The following ERN1 variants were observed in gnomAD, a reference collection of about 807,000 sequenced individuals.
ERN1 encodes the protein serine/threonine-protein kinase/endoribonuclease IRE1.
A neutral mutation model predicts 113.1 loss-of-function variants in ERN1; 39 were observed. The observed-to-expected ratio is 0.34, with a 90% CI of 0.27 to 0.45. The LOEUF (loss-of-function observed/expected upper bound fraction) is 0.45. ERN1 is among the 20% of genes least tolerant of loss of function. The probability of loss-of-function intolerance (pLI) is 1.00; values close to 1 mark genes in which losing one functional copy is unlikely to be tolerated. For missense variants in ERN1, 976 were observed against 1,274.8 expected (o/e 0.77, Z 3.57); for synonymous variants, 507 against 515.9 (o/e 0.98, Z 0.23).
Position 64,052,911 on chromosome 17 carries a change from T to C in ERN1, c.2122A>G (p.Met708Val). Residue 708 changes from methionine (M) to valine (V), a missense_variant, in exon 17 of 22, where the codon ATG (methionine) becomes GTG (valine). Around this residue, in one of 5 missense-constraint regions of ERN1, gnomAD observed 297 missense variants for 457.8 expected, o/e 0.65. Transcript: ENST00000433197. ...MPNAHGKIKA[M>V]ISDFGLCKKL... is the part of the protein sequence containing the mutation. The stretch of plus-strand genomic sequence containing the variant: ...TTGCAGAGGCCAAAGTCGGAGATCA[T>C]GGCCTTGATCTTGCCGTGTGCATTG... The C allele has an allele frequency of 6.2e-7, 1 of 1,613,922 alleles. No individual in the cohort carries two copies. Among genetic ancestry groups the C allele is most frequent in the Non-Finnish European group, 8.5e-7 (1 of 1,179,844 alleles).
chr17:64,108,942 G>A (rs1331465277), intron 1 of ERN1, among the ~76,000 whole-genome samples: 1 of 152,066 alleles, frequency 6.6e-6, no homozygotes, highest in Non-Finnish European at 1.5e-5. Flanking sequence ...GGTCAACATG[G>A]GGAAACCCCG....
intron 7 of ERN1, among the ~76,000 whole-genome samples, chr17:64,067,523 G>A (rs1043936931): frequency 1.3e-5 from 2 of 151,152 alleles, no homozygotes; most frequent in African/African-American, 4.9e-5. Flanking sequence ...TGGGAAGATC[G>A]CTTGAGCCTA....
rs756546213 is a variant in ERN1 at position 64,044,170 on chromosome 17, C to T, written c.2752G>A (p.Val918Met). Residue 918 changes from valine to methionine, a missense_variant, in exon 22 of 22, where the codon GTG becomes ATG. By Grantham distance (21) the Val-to-Met change is conservative. Transcript: ENST00000433197. The surrounding 1 kb of genome is among the most constrained non-coding windows in gnomAD (Gnocchi z 4.1). ...GGGAGGGACCCCAGCGTCTCCCGCA[C>T]CTCTGCAGGCAGCTCCCGGTAGTGG... ...KHHYRELPAEVRETLGSLPDD... is the reference protein window; with the variant it reads ...KHHYRELPAEMRETLGSLPDD... The T allele has an allele frequency of 1.3e-6, 2 of 1,578,920 alleles. No homozygotes were observed. The highest frequency in any genetic ancestry group is 2.3e-5 in the East Asian group (1 of 43,968).
chr17:64,117,138 A>T (rs80105842), intron 1 of ERN1, among the ~76,000 whole-genome samples: 12,318 of 145,418 alleles, frequency 0.085, 1,665 homozygotes, highest in African/African-American at 0.29. Flanking sequence ...AATAATAAAA[A>T]TTTTTAAAAA....
At chr17:64,084,776 C>T in intron 2 of ERN1, among the ~76,000 whole-genome samples, 1 of 152,198 alleles carries the variant, frequency 6.6e-6, no homozygotes. Context: ...CACCCTTTAA[C>T]AATCTCCCAC....
chr17:64,045,918 C>T (rs1036827417), intron 19 of ERN1, among the ~76,000 whole-genome samples: 1 of 152,218 alleles, frequency 6.6e-6, no homozygotes, highest in African/African-American at 2.4e-5. Flanking sequence ...AGGGTCGCCA[C>T]TCTTCCCTCC....
At chr17:64,080,948 G>A in intron 2 of ERN1, 140 bp from the exon 3 acceptor site, 1 of 703,028 alleles carries the variant, frequency 1.4e-6, no homozygotes, top group Non-Finnish European at 2.4e-6. Context: ...TGCACGTGAA[G>A]GTTATATGCA....
intron 4 of ERN1, among the ~76,000 whole-genome samples, chr17:64,075,833 G>A (rs753879103): frequency 5.3e-5 from 8 of 152,220 alleles, no homozygotes; most frequent in Non-Finnish European, 1.2e-4. Flanking sequence ...TGGCTAGACT[G>A]AGTAAAATGA....
chr17:64,067,066 G>T, intron 7 of ERN1, 134 bp from the exon 8 acceptor site: 1 of 933,910 alleles, frequency 1.1e-6, no homozygotes, highest in Non-Finnish European at 1.6e-6. Flanking sequence ...TCTCCTCTGA[G>T]CAATTTCACT....
At chr17:64,122,754 T>A (rs967056275) in intron 1 of ERN1, among the ~76,000 whole-genome samples, 1 of 152,238 alleles carries the variant, frequency 6.6e-6, no homozygotes, top group Non-Finnish European at 1.5e-5. Context: ...TGGAGAATGT[T>A]TTAACTTGTA....
rs1163275981 is a variant in ERN1 at position 64,049,551 on chromosome 17, T to C, written c.2254-349A>G. On this transcript the variant is annotated intron_variant, in intron 17 of 21. Transcript: ENST00000433197. This position sits in a 1 kb window ranked among gnomAD's most constrained non-coding sequence, Gnocchi z 4.7. ...GCCCATCAAAAGCCCTCCTGGCTGT[T>C]ATATATTCCTTACCCCCAACACGAA... Among the ~76,000 whole-genome samples, 1 of 152,160 alleles carries C rather than the reference T, an allele frequency of 6.6e-6. No individual in the cohort carries two copies. Among genetic ancestry groups the C allele is most frequent in the East Asian group, 1.9e-4 (1 of 5,200 alleles).
At chr17:64,058,973 A>C (rs1333968219) in intron 11 of ERN1, among the ~76,000 whole-genome samples, 1 of 152,194 alleles carries the variant, frequency 6.6e-6, no homozygotes, top group Non-Finnish European at 1.5e-5. Context: ...CACCATACAG[A>C]TGCACCTGAG....
intron 9 of ERN1, among the ~76,000 whole-genome samples, chr17:64,064,818 G>A (rs547278759): frequency 6.6e-6 from 1 of 152,300 alleles, no homozygotes; most frequent in Admixed American, 6.5e-5. Context: ...CTGAACAAAG[G>A]CCCCGGGGAA....
intron 2 of ERN1, among the ~76,000 whole-genome samples, chr17:64,095,660 C>CGACT (rs1277676910): frequency 6.6e-6 from 1 of 152,132 alleles, no homozygotes; most frequent in East Asian, 1.9e-4. Flanking sequence ...CCTGTTGAGT[C>CGACT]ACTCACCTGT....
At chr17:64,055,510 G>A (rs1175698389) in intron 13 of ERN1, among the ~76,000 whole-genome samples, 165 bp downstream of exon 13, 2 of 152,216 alleles carry the variant, frequency 1.3e-5, no homozygotes, top group Non-Finnish European at 2.9e-5. Flanking sequence ...AGATGCCAAG[G>A]GATGGGGCAG....
At chr17:64,091,343 C>G (rs1338042877) in intron 2 of ERN1, among the ~76,000 whole-genome samples, 3 of 152,200 alleles carry the variant, frequency 2.0e-5, no homozygotes, top group African/African-American at 7.2e-5. Flanking sequence ...AGAAGGCAGT[C>G]AAGTCCCATT....
rs149523280 is a variant in ERN1, at chr17:64,060,614, G to A, written c.1088-27C>T. 1.2e-4 allele frequency: 188 copies of A among 1,540,240 alleles called. No homozygotes were observed. The African/African-American group carries it at 1.9e-3, about 16-fold the overall frequency. On this transcript the variant is annotated intron_variant, in intron 10 of 21. Coordinates refer to ENST00000433197, the MANE Select transcript of ERN1 (RefSeq NM_001433.5). ...TATGACAGGAAACAAAACCTTTAGT[G>A]AGAACAATTTCCCGAGCTGTGGTGG...
Position 64,072,107 on chromosome 17 carries a change from A to G in ERN1, c.356-4T>C, listed in dbSNP as rs1913439325. 6.2e-7 allele frequency: 1 copy of G among 1,612,906 alleles called. No homozygotes were observed. The highest frequency in any genetic ancestry group is 1.3e-5 in the African/African-American group (1 of 74,932). ...TACCAGATGTCCTGCTTTTTACCTG[A>G]AAGGACACAAAAACACATCGTCGTT... On this transcript the variant is annotated splice_region_variant and splice_polypyrimidine_tract_variant and intron_variant, in intron 5 of 21. Coordinates refer to ENST00000433197, the MANE Select transcript of ERN1 (RefSeq NM_001433.5).
At chr17:64,125,459 C>T (rs560717380) in intron 1 of ERN1, among the ~76,000 whole-genome samples, 8 of 152,274 alleles carry the variant, frequency 5.3e-5, no homozygotes, top group African/African-American at 7.2e-5. Flanking sequence ...CCCCAACCCA[C>T]GGCTGGGCAC....
Sources: allele counts gnomAD v4.1 joint callset (sites outside exome capture counted in the v4.1 genomes callset), GRCh38; gene constraint gnomAD v4.1.1; regional missense constraint gnomAD v4.1.1; non-coding constraint Gnocchi (gnomAD v3.1); transcripts MANE v1.5; gene names NCBI Gene and HGNC (gene_info 2026-07-23, HGNC 2026-07-21).